The following KIF21A variants were observed in gnomAD, a reference collection of about 807,000 sequenced individuals.
KIF21A encodes kinesin family member 21A.
A neutral mutation model predicts 202.9 loss-of-function variants in KIF21A; 114 were observed. That is an observed-to-expected ratio of 0.56 (90% CI 0.48 to 0.66). The LOEUF is 0.66. Among genes scored for constraint, KIF21A ranks in the 30% least tolerant of loss-of-function variants. The pLI is 0.00. For synonymous variants in KIF21A, 667 were observed against 670.8 expected (o/e 0.99, Z 0.09); for missense variants, 1,677 against 1,994.9 (o/e 0.84, Z 3.04).
At chr12:39,420,801 G>A (rs1270280490) in intron 1 of KIF21A, among the ~76,000 whole-genome samples, 4 of 151,840 alleles carry the variant, frequency 2.6e-5, no homozygotes, top group Non-Finnish European at 5.9e-5. Context: ...AAAAAAATCA[G>A]ACAAATCCTG....
intron 5 of KIF21A, 59 bp downstream of exon 5, chr12:39,366,971 T>C: frequency 6.9e-7 from 1 of 1,452,824 alleles, no homozygotes; most frequent in Non-Finnish European, 9.7e-7. Context: ...CTCAGAGAAT[T>C]CATGTGGTTT....
Position 39,318,087 on chromosome 12 carries a change from T to C in KIF21A, c.3894A>G (p.Ser1298=), listed in dbSNP as rs773885305. 9 of 1,613,036 alleles carry C rather than the reference T, an allele frequency of 5.6e-6. No homozygotes were observed. The South Asian group carries it at 8.8e-5, about 16-fold the overall frequency. ...NRLTVSQGNT[S]VQQDKSDESD... Reference sequence around the variant, plus strand: ...TAATGACTTACTTATCCTGCTGAACTGATGTGTTTCCCTGAGAAACAGTAA... The same window carrying C: ...TAATGACTTACTTATCCTGCTGAACCGATGTGTTTCCCTGAGAAACAGTAA... Residue 1298 remains serine (S), a synonymous_variant, in exon 29 of 38, where the codon TCA becomes TCG. Coordinates refer to ENST00000361418, the MANE Select transcript of KIF21A (RefSeq NM_001173464.2).
chr12:39,304,629 G>A (rs111945875), intron 35 of KIF21A, among the ~76,000 whole-genome samples, 192 bp downstream of exon 35: 1 of 152,050 alleles, frequency 6.6e-6, no homozygotes, highest in African/African-American at 2.4e-5. Flanking sequence ...TTTCTTCTAT[G>A]AAAAGTGAGA....
intron 34 of KIF21A, among the ~76,000 whole-genome samples, chr12:39,306,620 CT>C: frequency 6.6e-6 from 1 of 152,236 alleles, no homozygotes; most frequent in East Asian, 1.9e-4. Flanking sequence ...TGGCAAATCC[CT>C]TCTGGATGAG....
intron 1 of KIF21A, among the ~76,000 whole-genome samples, chr12:39,436,448 A>ATATATATATATATATATATTTTTTTT (rs1387332677): frequency 4.2e-5 from 4 of 95,762 alleles, no homozygotes; most frequent in Non-Finnish European, 5.9e-5. Flanking sequence ...ATATATATAT[A>ATATATATATATATATATATTTTTTTT]TTTTTTTTTT....
At chr12:39,401,592 A>G (rs1952177218) in intron 1 of KIF21A, among the ~76,000 whole-genome samples, 1 of 152,180 alleles carries the variant, frequency 6.6e-6, no homozygotes, top group Non-Finnish European at 1.5e-5. Context: ...TACTGAGGCA[A>G]AATCACAGTG....
chr12:39,379,326 TAA>T (rs58672877), intron 1 of KIF21A, among the ~76,000 whole-genome samples: 60 of 129,474 alleles, frequency 4.6e-4, no homozygotes, highest in South Asian at 7.3e-4. Flanking sequence ...AGACTCTGTC[TAA>T]AAAAAAAAAA....
Position 39,400,351 on chromosome 12 carries a change from C to T in KIF21A, c.45-30090G>A, listed in dbSNP as rs148291191. ...TGGATTATTACAAGGTAAACATGTG[C>T]CATGGTGGTTTGCTGCACAGATCAA... On this transcript the variant is annotated intron_variant, in intron 1 of 37. Coordinates refer to ENST00000361418, the MANE Select transcript of KIF21A (RefSeq NM_001173464.2). Among the ~76,000 whole-genome samples, 225 of 152,208 alleles carry T rather than the reference C, an allele frequency of 1.5e-3. 1 individual carries two copies. The East Asian group carries it at 0.022, about 15-fold the overall frequency.
In KIF21A at chr12:39,330,252, G is replaced by A. The variant is rs139033996; in HGVS notation, c.3330C>T (p.Ser1110=). Residue 1110 remains serine, a synonymous_variant, in exon 24 of 38, where the codon AGC becomes AGT. Coordinates refer to ENST00000361418, the MANE Select transcript of KIF21A (RefSeq NM_001173464.2). ...GCTAAACATACTTACCTAATGGTAC[G>A]CTATCTAGATCTGTGTAAATAACAG... ...LLGHALQDLD[S]VPLENVEDST... 55 of 1,611,544 alleles carry A rather than the reference G, an allele frequency of 3.4e-5. No individual in the cohort carries two copies. The highest frequency in any genetic ancestry group is 1.3e-4 in the East Asian group (6 of 44,740).
chr12:39,330,164 G>A, intron 24 of KIF21A, 78 bp downstream of exon 24: 1 of 1,346,050 alleles, frequency 7.4e-7, no homozygotes, highest in Non-Finnish European at 1.1e-6. Flanking sequence ...TTTAAAATAA[G>A]ATGTACCACA....
At chr12:39,356,951 C>T in intron 9 of KIF21A, 56 bp from the exon 10 acceptor site, 3 of 838,806 alleles carry the variant, frequency 3.6e-6, no homozygotes, top group South Asian at 1.5e-5. Flanking sequence ...TTCAACAAAA[C>T]AGGAGAAAAA....
intron 1 of KIF21A, among the ~76,000 whole-genome samples, chr12:39,397,467 C>A (rs531069199): frequency 2.5e-4 from 38 of 151,952 alleles, no homozygotes; most frequent in African/African-American, 8.7e-4. Context: ...CCTTAACCAA[C>A]TCTATTTTTT....
At chr12:39,306,513 A>AT (rs1214496366) in intron 34 of KIF21A, among the ~76,000 whole-genome samples, 9 of 152,102 alleles carry the variant, frequency 5.9e-5, no homozygotes, top group Non-Finnish European at 1.5e-5. Flanking sequence ...TGTTTATTAT[A>AT]TTTTGCCAGT....
At position 39,442,696 on chromosome 12, in the gene KIF21A, A is replaced by G. The variant is rs1318190064; in HGVS notation, c.44+231T>C. Among the ~76,000 whole-genome samples the G allele has an allele frequency of 6.6e-6, 1 of 152,076 alleles. No homozygotes were observed. Among genetic ancestry groups the G allele is most frequent in the Non-Finnish European group, 1.5e-5 (1 of 68,002 alleles). On this transcript the variant is annotated intron_variant, in intron 1 of 37. Coordinates refer to ENST00000361418, the MANE Select transcript of KIF21A (RefSeq NM_001173464.2). The surrounding 1 kb of genome is among the most constrained non-coding windows in gnomAD (Gnocchi z 5.0). ...AGGGACCCGGCGCCGCGCAGCCGCCAGCCACCTGCAAACACAGACGGCGTG... is the reference window on the plus strand; with the variant it reads ...AGGGACCCGGCGCCGCGCAGCCGCCGGCCACCTGCAAACACAGACGGCGTG...
At chr12:39,387,161 TACACACACACACACACAC>T (rs3036323) in intron 1 of KIF21A, among the ~76,000 whole-genome samples, 3 of 138,160 alleles carry the variant, frequency 2.2e-5, no homozygotes, top group East Asian at 4.3e-4. Flanking sequence ...ATGCAGTAGT[TACACACACACACACACAC>T]ACACACACAC....
At chr12:39,323,479 AAT>A (rs1945513232) in intron 26 of KIF21A, among the ~76,000 whole-genome samples, 1 of 152,144 alleles carries the variant, frequency 6.6e-6, no homozygotes, top group South Asian at 2.1e-4. Flanking sequence ...TGATGCCTTA[AAT>A]ATATGTTTAA....
chr12:39,385,600 C>T (rs1452982080), intron 1 of KIF21A, among the ~76,000 whole-genome samples: 1 of 151,996 alleles, frequency 6.6e-6, no homozygotes, highest in Non-Finnish European at 1.5e-5. Flanking sequence ...ATGAAGAATA[C>T]AAAATTTATA....
chr12:39,356,777 A>G (rs1355848200), intron 10 of KIF21A, 55 bp downstream of exon 10: 1 of 828,026 alleles, frequency 1.2e-6, no homozygotes. Context: ...ATATTATAAC[A>G]TTGCAAAATC....
chr12:39,303,232 A>C, intron 35 of KIF21A, 97 bp from the exon 36 acceptor site: 1 of 968,604 alleles, frequency 1.0e-6, no homozygotes, highest in Non-Finnish European at 1.6e-6. Flanking sequence ...TATGTTAATC[A>C]GACATGACTT....
Sources: gnomAD v4.1 joint callset for allele counts (sites outside exome capture counted in the v4.1 genomes callset) on GRCh38, gnomAD v4.1.1 for gene constraint, Gnocchi (gnomAD v3.1) non-coding constraint, MANE v1.5 for transcripts, NCBI Gene and HGNC (gene_info 2026-07-23, HGNC 2026-07-21) for gene names.